IL1RAPL2: variants seen among roughly 807,000 people sequenced by gnomAD.
IL1RAPL2 encodes interleukin 1 receptor accessory protein like 2, also known as X-linked interleukin-1 receptor accessory protein-like 2.
A neutral mutation model predicts 44.1 loss-of-function variants in IL1RAPL2; 3 were observed. That is an observed-to-expected ratio of 0.07 (90% CI 0.03 to 0.18). IL1RAPL2 has a LOEUF of 0.18. Ranked by LOEUF, IL1RAPL2 falls within the 10% of genes least tolerant of loss-of-function variation. IL1RAPL2 has a pLI of 1.00. For synonymous variants in IL1RAPL2, 181 were observed against 178.8 expected (o/e 1.01, Z -0.10); for missense variants, 391 against 496.4 (o/e 0.79, Z 2.02).
intron 2 of IL1RAPL2, among the ~76,000 whole-genome samples, chrX:104,755,732 C>T (rs187336599): frequency 9.1e-6 from 1 of 110,150 alleles, no homozygotes; most frequent in East Asian, 2.9e-4. Flanking sequence ...TATTGGTCCC[C>T]CTAAGTCCCC....
chrX:105,215,808 T>C (rs1325480282), intron 3 of IL1RAPL2, among the ~76,000 whole-genome samples: 1 of 111,746 alleles, frequency 8.9e-6, no homozygotes, highest in African/African-American at 3.3e-5. Flanking sequence ...TGGTTCAACA[T>C]ATGCAAATCA....
At chrX:104,984,075 G>A (rs2030516635) in intron 2 of IL1RAPL2, among the ~76,000 whole-genome samples, 1 of 111,037 alleles carries the variant, frequency 9.0e-6, no homozygotes, top group African/African-American at 3.3e-5. Flanking sequence ...TGAAGCAGTT[G>A]TAATGTTTAT....
intron 5 of IL1RAPL2, among the ~76,000 whole-genome samples, chrX:105,293,375 C>T (rs2858229): frequency 0.27 from 30,060 of 110,870 alleles, 7,884 homozygotes; most frequent in African/African-American, 0.83. Context: ...GCATAGTATC[C>T]CATGGTATAC....
rs956177920 is a variant in IL1RAPL2 at position 105,201,760 on chromosome X, C to T, written c.356+6012C>T. On this transcript the variant is annotated intron_variant, in intron 3 of 10. Transcript: ENST00000372582. Reference sequence around the variant, plus strand: ...TTCAATTCCAACTTAACTATTGATCCGTGAAAAGTTAAGTGTCAACAAGTC... The same window carrying T: ...TTCAATTCCAACTTAACTATTGATCTGTGAAAAGTTAAGTGTCAACAAGTC... 3.6e-5 allele frequency among the ~76,000 whole-genome samples: 4 copies of T among 111,457 alleles called. No homozygotes were observed. In the Admixed American group the frequency reaches 3.8e-4, roughly 11 times the overall value.
At chrX:104,930,778 AT>A (rs1275867959) in intron 2 of IL1RAPL2, among the ~76,000 whole-genome samples, 1 of 111,957 alleles carries the variant, frequency 8.9e-6, no homozygotes, top group Non-Finnish European at 1.9e-5. Flanking sequence ...GCCATATTGC[AT>A]TCATTAACTT....
chrX:105,126,054 C>T (rs1255347137), intron 2 of IL1RAPL2, among the ~76,000 whole-genome samples: 2 of 111,053 alleles, frequency 1.8e-5, no homozygotes, highest in African/African-American at 3.3e-5. Context: ...TCTGTAATGG[C>T]AGAACATGCT....
chrX:105,067,076 T>C (rs1222481335), intron 2 of IL1RAPL2, among the ~76,000 whole-genome samples: 1 of 112,160 alleles, frequency 8.9e-6, no homozygotes, highest in Non-Finnish European at 1.9e-5. Flanking sequence ...ATTTAATTGT[T>C]GTTTTGCAAG....
At chrX:104,842,467 G>A (rs1921933987) in intron 2 of IL1RAPL2, among the ~76,000 whole-genome samples, 1 of 111,280 alleles carries the variant, frequency 9.0e-6, no homozygotes, top group African/African-American at 3.3e-5. Flanking sequence ...AGGAGAAGCA[G>A]CATTCTCGCT....
chrX:104,630,171 G>A (rs180806266), intron 1 of IL1RAPL2, among the ~76,000 whole-genome samples: 2 of 96,530 alleles, frequency 2.1e-5, no homozygotes, highest in Non-Finnish European at 4.1e-5. Flanking sequence ...TTTTTGAGAC[G>A]TAGTCTCACT....
chrX:104,653,493 T>A (rs901403042), intron 1 of IL1RAPL2, among the ~76,000 whole-genome samples: 1 of 111,495 alleles, frequency 9.0e-6, no homozygotes, highest in Admixed American at 9.5e-5. Context: ...TATGGTTAAC[T>A]GGGAAAGAAA....
At chrX:105,490,263 A>G (rs1234970434) in intron 6 of IL1RAPL2, among the ~76,000 whole-genome samples, 3 of 112,493 alleles carry the variant, frequency 2.7e-5, no homozygotes, top group African/African-American at 9.7e-5. Context: ...GTAGATCAGA[A>G]AAACCCAGAC....
At chrX:105,492,775 T>TA (rs753572761) in intron 6 of IL1RAPL2, among the ~76,000 whole-genome samples, 4 of 110,769 alleles carry the variant, frequency 3.6e-5, no homozygotes, top group South Asian at 7.5e-4. Flanking sequence ...TTTATTATTA[T>TA]ATTAGTCATA....
intron 2 of IL1RAPL2, among the ~76,000 whole-genome samples, chrX:104,810,613 A>G (rs1238637469): frequency 9.0e-6 from 1 of 111,211 alleles, no homozygotes; most frequent in East Asian, 2.8e-4. Context: ...CTATGATGGG[A>G]GATGATATGC....
chrX:104,807,720 G>T (rs1932932914), intron 2 of IL1RAPL2, among the ~76,000 whole-genome samples: 1 of 110,885 alleles, frequency 9.0e-6, no homozygotes, highest in Non-Finnish European at 1.9e-5. Context: ...TTCCACTATA[G>T]TATATAGTAT....
At chrX:105,764,339 C>A (rs1191202823) in intron 10 of IL1RAPL2, among the ~76,000 whole-genome samples, 2 of 111,628 alleles carry the variant, frequency 1.8e-5, no homozygotes, top group Non-Finnish European at 3.8e-5. Flanking sequence ...AAGGGGAGAA[C>A]CATACTTATG....
intron 2 of IL1RAPL2, among the ~76,000 whole-genome samples, chrX:104,969,844 A>C (rs1055177473): frequency 8.9e-6 from 1 of 112,119 alleles, no homozygotes; most frequent in Non-Finnish European, 1.9e-5. Context: ...CCAGATTAAT[A>C]GAAATTTAAT....
chrX:105,508,718 C>G (rs1177393770), intron 6 of IL1RAPL2, among the ~76,000 whole-genome samples: 1 of 109,035 alleles, frequency 9.2e-6, no homozygotes, highest in Non-Finnish European at 1.9e-5. Context: ...GTGAACTTAT[C>G]CATTCCTCTC....
At chrX:104,586,540 A>T in intron 1 of IL1RAPL2, among the ~76,000 whole-genome samples, 1 of 111,577 alleles carries the variant, frequency 9.0e-6, no homozygotes, top group East Asian at 2.8e-4. Context: ...CTATGGCTCC[A>T]CCCAGCTCTT....
At chrX:105,463,149 C>G (rs749526270) in intron 5 of IL1RAPL2, among the ~76,000 whole-genome samples, 1 of 111,323 alleles carries the variant, frequency 9.0e-6, no homozygotes, top group South Asian at 3.7e-4. Flanking sequence ...ACATTGTTTG[C>G]CTTCTATGGA....
Sources: allele counts gnomAD v4.1 joint callset (sites outside exome capture counted in the v4.1 genomes callset), GRCh38; gene constraint gnomAD v4.1.1; transcripts MANE v1.5; gene names NCBI Gene and HGNC (gene_info 2026-07-23, HGNC 2026-07-21).